The following MAML2 variants were observed in gnomAD, a reference collection of about 807,000 sequenced individuals.
The protein encoded by MAML2 is mastermind like transcriptional coactivator 2.
A neutral mutation model predicts 96.1 loss-of-function variants in MAML2; 22 were observed. The ratio of observed to expected loss-of-function variants is 0.23; its 90% confidence interval spans 0.16 to 0.33. The LOEUF is 0.33. Ranked by LOEUF, MAML2 falls within the 10% of genes least tolerant of loss-of-function variation. The probability of loss-of-function intolerance (pLI) is 1.00; values close to 1 mark genes in which losing one functional copy is unlikely to be tolerated. For synonymous variants in MAML2, 561 were observed against 521.3 expected (o/e 1.08, Z -1.04); for missense variants, 1,367 against 1,392.4 (o/e 0.98, Z 0.29).
At chr11:96,147,018 G>A (rs1485404681) in intron 1 of MAML2, among the ~76,000 whole-genome samples, 24 of 152,160 alleles carry the variant, frequency 1.6e-4, no homozygotes, top group Admixed American at 1.6e-3. Context: ...GTGAGATCAT[G>A]TTCTATCCTT....
At chr11:96,253,451 T>C (rs144180534) in intron 1 of MAML2, among the ~76,000 whole-genome samples, 2 of 152,320 alleles carry the variant, frequency 1.3e-5, no homozygotes, top group Non-Finnish European at 2.9e-5. Context: ...ATCTAGACTG[T>C]AGGACTTGTC....
intron 2 of MAML2, among the ~76,000 whole-genome samples, chr11:96,032,106 A>G (rs1414829620): frequency 1.3e-5 from 2 of 152,170 alleles, no homozygotes; most frequent in Non-Finnish European, 2.9e-5. Flanking sequence ...ATGTCCACAA[A>G]TTAAGAATGT....
chr11:96,313,558 T>TTTCC (rs1863578704), intron 1 of MAML2, among the ~76,000 whole-genome samples: 1 of 152,152 alleles, frequency 6.6e-6, no homozygotes, highest in Admixed American at 6.6e-5. Flanking sequence ...AAACTGACTT[T>TTTCC]TTCCTTCCTC....
At chr11:96,074,805 G>A (rs538401915) in intron 2 of MAML2, among the ~76,000 whole-genome samples, 10 of 152,278 alleles carry the variant, frequency 6.6e-5, no homozygotes, top group East Asian at 5.8e-4. Flanking sequence ...CTCTCTAATC[G>A]CATCAGCAAA....
chr11:96,175,818 T>G (rs1007677265), intron 1 of MAML2, among the ~76,000 whole-genome samples: 2 of 152,074 alleles, frequency 1.3e-5, no homozygotes, highest in South Asian at 4.2e-4. Flanking sequence ...GTCAGGCTGG[T>G]CTTAAACTCC....
intron 1 of MAML2, among the ~76,000 whole-genome samples, chr11:96,155,551 T>TAC (rs1860999683): frequency 7.7e-6 from 1 of 129,764 alleles, no homozygotes; most frequent in Non-Finnish European, 1.6e-5. Flanking sequence ...TATATATATA[T>TAC]GAGGAAAGTC....
chr11:96,248,129 T>TC (rs1372762296), intron 1 of MAML2, among the ~76,000 whole-genome samples: 34 of 150,834 alleles, frequency 2.3e-4, no homozygotes, highest in Middle Eastern at 3.4e-3. Context: ...TTTTTTTTTT[T>TC]TGAGACAGTC....
chr11:96,025,091 G>A (rs1356648597), intron 2 of MAML2, among the ~76,000 whole-genome samples: 2 of 152,058 alleles, frequency 1.3e-5, no homozygotes, highest in African/African-American at 2.4e-5. Flanking sequence ...AAAAAGACAC[G>A]TGCACTCGCA....
chr11:96,320,069 A>C (rs1441884079), intron 1 of MAML2, among the ~76,000 whole-genome samples: 1 of 152,258 alleles, frequency 6.6e-6, no homozygotes, highest in Non-Finnish European at 1.5e-5. Flanking sequence ...CATGCTGGCC[A>C]GAAAGATAAG....
chr11:96,213,589 C>G lies in MAML2; in HGVS notation c.514-120072G>C, dbSNP rs187592458. Among the ~76,000 whole-genome samples, 64 of 151,470 alleles carry G rather than the reference C, an allele frequency of 4.2e-4. 1 individual carries two copies. Among genetic ancestry groups the G allele is most frequent in the Middle Eastern group, 3.4e-3 (1 of 292 alleles). On this transcript the variant is annotated intron_variant, in intron 1 of 4. Transcript: ENST00000524717. The stretch of plus-strand genomic sequence containing the variant: ...AGTGTAGATGGCAGTTTAAGTATAG[C>G]CCTCTAAAAAGTAGCAGCTTTTCCT...
At chr11:96,024,756 C>T (rs1421535686) in intron 2 of MAML2, among the ~76,000 whole-genome samples, 3 of 152,286 alleles carry the variant, frequency 2.0e-5, no homozygotes, top group East Asian at 3.9e-4. Context: ...GGTACTTTCA[C>T]GCCCTGGCAA....
intron 1 of MAML2, among the ~76,000 whole-genome samples, chr11:96,222,946 C>CT (rs1183213807): frequency 1.3e-5 from 2 of 151,514 alleles, no homozygotes; most frequent in Admixed American, 6.6e-5. Flanking sequence ...TGAATTTTGC[C>CT]TTTTTTCCCA....
At chr11:96,064,579 C>T (rs549292604) in intron 2 of MAML2, among the ~76,000 whole-genome samples, 30 of 152,324 alleles carry the variant, frequency 2.0e-4, no homozygotes, top group Non-Finnish European at 3.5e-4. Context: ...CTTTGGGGAT[C>T]TTTCCACCTC....
intron 2 of MAML2, among the ~76,000 whole-genome samples, chr11:96,043,360 G>A (rs573504530): frequency 6.6e-6 from 1 of 152,224 alleles, no homozygotes; most frequent in South Asian, 2.1e-4. Context: ...GAACAGAAAA[G>A]TACTTCAAAA....
At chr11:96,250,927 G>A (rs1348692107) in intron 1 of MAML2, among the ~76,000 whole-genome samples, 1 of 152,158 alleles carries the variant, frequency 6.6e-6, no homozygotes, top group Non-Finnish European at 1.5e-5. Flanking sequence ...GGACCTGCAG[G>A]AAGAACTATA....
chr11:96,057,948 A>T (rs892923867), intron 2 of MAML2, among the ~76,000 whole-genome samples: 3 of 152,214 alleles, frequency 2.0e-5, no homozygotes, highest in African/African-American at 7.2e-5. Flanking sequence ...ATCACTTTTC[A>T]CTGCAAGTTG....
At chr11:96,052,514 G>T (rs1165782078) in intron 2 of MAML2, among the ~76,000 whole-genome samples, 5 of 152,112 alleles carry the variant, frequency 3.3e-5, no homozygotes, top group Non-Finnish European at 1.5e-5. Flanking sequence ...CTCTGCTTCT[G>T]CCCAGTTTTT....
In MAML2 at chr11:95,978,794, A is replaced by G. The variant is rs138966951; in HGVS notation, c.*154T>C. 1.4e-6 allele frequency: 1 copy of G among 698,626 alleles called. No homozygotes were observed. Among genetic ancestry groups the G allele is most frequent in the Non-Finnish European group, 2.3e-6 (1 of 438,230 alleles). 43.3% of individuals were successfully genotyped at this position (698,626 alleles called of 1,614,324 possible). Reference sequence around the variant, plus strand: ...GATTTAAAACAAGAATTTGGACCAAAATGTTCATCACTGCAGTTACTTTCT... The same window carrying G: ...GATTTAAAACAAGAATTTGGACCAAGATGTTCATCACTGCAGTTACTTTCT... On this transcript the variant is annotated 3_prime_UTR_variant, in exon 5 of 5. Coordinates refer to ENST00000524717, the MANE Select transcript of MAML2 (RefSeq NM_032427.4).
intron 2 of MAML2, among the ~76,000 whole-genome samples, chr11:96,025,243 T>C (rs150721045): frequency 1.3e-5 from 2 of 152,270 alleles, no homozygotes; most frequent in African/African-American, 2.4e-5. Context: ...ATCATATCCA[T>C]TGCAGCAACA....
Sources: allele counts gnomAD v4.1 joint callset (sites outside exome capture counted in the v4.1 genomes callset), GRCh38; gene constraint gnomAD v4.1.1; transcripts MANE v1.5; gene names NCBI Gene and HGNC (gene_info 2026-07-23, HGNC 2026-07-21).